The following LINGO2 variants were observed in gnomAD, a reference collection of about 807,000 sequenced individuals.
LINGO2 encodes the protein leucine-rich repeat and immunoglobulin-like domain-containing nogo receptor-interacting protein 2.
A neutral mutation model predicts 30.6 loss-of-function variants in LINGO2; 14 were observed. The observed-to-expected ratio is 0.46, with a 90% CI of 0.30 to 0.72. LINGO2 has a LOEUF of 0.72. LINGO2 is among the 30% of genes least tolerant of loss of function. The probability of loss-of-function intolerance (pLI) is 0.07; values close to 1 mark genes in which losing one functional copy is unlikely to be tolerated. For synonymous variants in LINGO2, 317 were observed against 288.5 expected (o/e 1.10, Z -1.00); for missense variants, 729 against 751.7 (o/e 0.97, Z 0.35).
chr9:27,991,444 C>G (rs911109484), intron 5 of LINGO2, among the ~76,000 whole-genome samples: 4 of 151,998 alleles, frequency 2.6e-5, no homozygotes, highest in East Asian at 1.9e-4. Context: ...TAAATCAAAA[C>G]AAAGACAGTT....
chr9:28,747,864 T>C, the LINGO2 span, among the ~76,000 whole-genome samples: 1 of 152,046 alleles, frequency 6.6e-6, no homozygotes, highest in Admixed American at 6.5e-5. Flanking sequence ...AAGAAAGCAA[T>C]CTGATGTGGG....
intron 3 of LINGO2, among the ~76,000 whole-genome samples, chr9:28,327,309 C>A (rs948110756): frequency 5.3e-5 from 8 of 152,190 alleles, no homozygotes; most frequent in Non-Finnish European, 1.0e-4. Flanking sequence ...CTGCTACCAT[C>A]ATTCCCACCT....
rs556932644 is a variant in LINGO2 at position 28,515,246 on chromosome 9, G to A, written c.-364-39221C>T. ...TTTTGAGATGGAGTCTCGCTCTGTCGCTCAGGCTGGACTGCAGTGGTGCAA... is the reference window on the plus strand; with the variant it reads ...TTTTGAGATGGAGTCTCGCTCTGTCACTCAGGCTGGACTGCAGTGGTGCAA... On this transcript the variant is annotated intron_variant, in intron 1 of 5. Transcript: ENST00000379992. 1.6e-3 allele frequency among the ~76,000 whole-genome samples: 214 copies of A among 134,128 alleles called. 1 individual carries two copies. The highest frequency in any genetic ancestry group is 5.8e-3 in the African/African-American group (204 of 35,452). 88.0% of individuals were successfully genotyped at this position (134,128 alleles called of 152,430 possible). A position where few individuals can be genotyped will look rare whatever the true frequency, so the allele number is the denominator to read the frequency against.
the LINGO2 span, among the ~76,000 whole-genome samples, chr9:28,971,687 G>A: frequency 6.6e-6 from 1 of 152,232 alleles, no homozygotes; most frequent in Non-Finnish European, 1.5e-5. Context: ...CACTCAGATG[G>A]CACCTCTGGA....
intron 1 of LINGO2, among the ~76,000 whole-genome samples, chr9:28,510,901 T>G (rs768328511): frequency 6.6e-6 from 1 of 152,112 alleles, no homozygotes; most frequent in Non-Finnish European, 1.5e-5. Flanking sequence ...ACTGAAGAAC[T>G]TGGAGTCTGA....
the LINGO2 span, among the ~76,000 whole-genome samples, chr9:28,891,599 T>C: frequency 6.6e-6 from 1 of 151,930 alleles, no homozygotes; most frequent in Admixed American, 6.6e-5. Flanking sequence ...AGATGCTATT[T>C]CTAGGGAACT....
chr9:28,425,223 G>A lies in LINGO2; in HGVS notation c.-279+50717C>T, dbSNP rs1823355086. On this transcript the variant is annotated intron_variant, in intron 2 of 5. Transcript: ENST00000379992. ...AGCTTACTATGTGAAAGAAATAATT[G>A]CACATAAGTATATATTACATATTAA... Among the ~76,000 whole-genome samples the A allele has an allele frequency of 3.4e-5, 5 of 147,250 alleles. No individual in the cohort carries two copies. The South Asian group carries it at 1.1e-3, about 31-fold the overall frequency.
intron 4 of LINGO2, among the ~76,000 whole-genome samples, chr9:28,215,903 A>T (rs1393575440): frequency 6.6e-6 from 1 of 151,926 alleles, no homozygotes; most frequent in Non-Finnish European, 1.5e-5. Flanking sequence ...TAGCCCAGAG[A>T]AAGAATAAAG....
chr9:28,197,044 T>C (rs1820039184), intron 4 of LINGO2, among the ~76,000 whole-genome samples: 2 of 151,780 alleles, frequency 1.3e-5, no homozygotes, highest in South Asian at 4.1e-4. Flanking sequence ...ACTAAAAGAG[T>C]GGAATTGGAA....
intron 4 of LINGO2, among the ~76,000 whole-genome samples, chr9:28,167,549 T>A (rs117125378): frequency 0.011 from 1,624 of 152,204 alleles, 27 homozygotes; most frequent in African/African-American, 0.035. Context: ...CCCAGCTAAT[T>A]CTTTTTTTGT....
At chr9:29,084,742 C>T in the LINGO2 span, among the ~76,000 whole-genome samples, 279 of 151,992 alleles carry the variant, frequency 1.8e-3, 1 homozygote, top group African/African-American at 6.4e-3. Context: ...ACTCTGAACA[C>T]CTCTCTTCTG....
the LINGO2 span, among the ~76,000 whole-genome samples, chr9:28,907,033 G>C: frequency 6.6e-6 from 1 of 151,882 alleles, no homozygotes; most frequent in Non-Finnish European, 1.5e-5. Flanking sequence ...AAGAGAGCCT[G>C]ATTAATAATT....
At chr9:27,990,451 G>A (rs1210497685) in intron 5 of LINGO2, among the ~76,000 whole-genome samples, 4 of 122,634 alleles carry the variant, frequency 3.3e-5, no homozygotes, top group Non-Finnish European at 3.4e-5. Flanking sequence ...CATCACTTCA[G>A]TGGTCTCAAT....
the LINGO2 span, among the ~76,000 whole-genome samples, chr9:29,048,797 T>A: frequency 1.3e-5 from 2 of 152,154 alleles, no homozygotes; most frequent in Non-Finnish European, 2.9e-5. Flanking sequence ...TATCTTTTGC[T>A]ATATACAAAA....
At chr9:28,760,043 T>C in the LINGO2 span, among the ~76,000 whole-genome samples, 1 of 152,090 alleles carries the variant, frequency 6.6e-6, no homozygotes, top group African/African-American at 2.4e-5. Flanking sequence ...ACTTACTGTA[T>C]AGACAATTAT....
chr9:28,565,507 T>A (rs72713594), intron 1 of LINGO2, among the ~76,000 whole-genome samples: 12,229 of 149,990 alleles, frequency 0.082, 752 homozygotes, highest in African/African-American at 0.17. Context: ...TTTTATTTTT[T>A]TTTTTTTACA....
the LINGO2 span, among the ~76,000 whole-genome samples, chr9:29,114,020 A>AT: frequency 1.0e-3 from 157 of 151,910 alleles, 1 homozygote; most frequent in Middle Eastern, 0.01. Context: ...GCTCCTGCTC[A>AT]TTCCTCTCAG....
the LINGO2 span, among the ~76,000 whole-genome samples, chr9:28,893,620 C>A: frequency 1.5e-5 from 1 of 66,794 alleles, no homozygotes; most frequent in Non-Finnish European, 3.6e-5. Flanking sequence ...AAGAAAATAT[C>A]TTATTGTTTT....
chr9:28,389,591 T>TA (rs1220730817), intron 2 of LINGO2, among the ~76,000 whole-genome samples: 1 of 152,132 alleles, frequency 6.6e-6, no homozygotes, highest in Non-Finnish European at 1.5e-5. Context: ...CCTCATCTCT[T>TA]AGAGGATTCA....
Sources: gnomAD v4.1 joint callset for allele counts (sites outside exome capture counted in the v4.1 genomes callset) on GRCh38, gnomAD v4.1.1 for gene constraint, MANE v1.5 for transcripts, NCBI Gene and HGNC (gene_info 2026-07-23, HGNC 2026-07-21) for gene names.